Variants in RPSA2 observed in about 807,000 individuals in gnomAD.
The protein encoded by RPSA2 is small ribosomal subunit protein uS2B.
At chr19:23,795,008 C>T in the RPSA2 span, among the ~76,000 whole-genome samples, 1 of 151,966 alleles carries the variant, frequency 6.6e-6, no homozygotes, top group African/African-American at 2.4e-5. Flanking sequence ...TATTTCTGGG[C>T]TCCCTATTCT....
the RPSA2 span, among the ~76,000 whole-genome samples, chr19:23,868,738 T>G: frequency 6.6e-6 from 1 of 152,142 alleles, no homozygotes. Flanking sequence ...GACAAGGGTA[T>G]GCTTATGTTT....
chr19:23,798,288 A>G, the RPSA2 span, among the ~76,000 whole-genome samples: 5 of 152,332 alleles, frequency 3.3e-5, no homozygotes, highest in African/African-American at 7.2e-5. Context: ...TGATTGACAG[A>G]AACCTGTTTA....
chr19:23,810,349 G>T, the RPSA2 span, among the ~76,000 whole-genome samples: 3 of 139,010 alleles, frequency 2.2e-5, no homozygotes, highest in African/African-American at 8.1e-5. Context: ...AACCGAGATC[G>T]TGCCACTGCA....
At chr19:23,758,909 C>A in the RPSA2 span, 2 of 917,232 alleles carry the variant, frequency 2.2e-6, no homozygotes, top group South Asian at 3.2e-5. Flanking sequence ...CCGCCAATCC[C>A]GGAAGCCGCC....
the RPSA2 span, among the ~76,000 whole-genome samples, chr19:23,869,934 G>A: frequency 2.6e-5 from 4 of 152,186 alleles, no homozygotes; most frequent in African/African-American, 4.8e-5. Flanking sequence ...ACCAGCTCCA[G>A]GTAAGCAATA....
At chr19:23,791,253 G>C in the RPSA2 span, among the ~76,000 whole-genome samples, 1 of 152,132 alleles carries the variant, frequency 6.6e-6, no homozygotes, top group African/African-American at 2.4e-5. Context: ...CACCCATCTC[G>C]GCCCCGTAAG....
the RPSA2 span, among the ~76,000 whole-genome samples, chr19:23,850,880 CTGTT>C: frequency 1.3e-5 from 2 of 152,092 alleles, no homozygotes; most frequent in Non-Finnish European, 2.9e-5. Context: ...GTTGTTTAGA[CTGTT>C]TGGACAATTG....
At chr19:23,868,474 C>A in the RPSA2 span, among the ~76,000 whole-genome samples, 1 of 152,008 alleles carries the variant, frequency 6.6e-6, no homozygotes, top group African/African-American at 2.4e-5. Flanking sequence ...ACATTATAGA[C>A]CAGGCACATC....
At chr19:23,836,153 C>T in the RPSA2 span, among the ~76,000 whole-genome samples, 1 of 152,080 alleles carries the variant, frequency 6.6e-6, no homozygotes, top group Non-Finnish European at 1.5e-5. Flanking sequence ...TCCCTTCCCA[C>T]TCTTCTCCCC....
the RPSA2 span, among the ~76,000 whole-genome samples, chr19:23,778,890 T>C: frequency 3.8e-4 from 57 of 151,802 alleles, no homozygotes; most frequent in Admixed American, 2.0e-4. Flanking sequence ...CTGTTTTTCC[T>C]GAGTCCTACC....
At chr19:23,804,196 C>A in the RPSA2 span, among the ~76,000 whole-genome samples, 38 of 152,102 alleles carry the variant, frequency 2.5e-4, no homozygotes, top group Non-Finnish European at 5.1e-4. Context: ...TAATATGATA[C>A]TTTAAGATAA....
the RPSA2 span, among the ~76,000 whole-genome samples, chr19:23,852,248 G>A: frequency 6.6e-6 from 1 of 152,206 alleles, no homozygotes; most frequent in Non-Finnish European, 1.5e-5. Flanking sequence ...TAGCACATAT[G>A]TTGGAATGCC....
the RPSA2 span, among the ~76,000 whole-genome samples, chr19:23,771,849 T>C: frequency 6.6e-6 from 1 of 152,194 alleles, no homozygotes; most frequent in Non-Finnish European, 1.5e-5. Flanking sequence ...ACCTTGGTGA[T>C]GTAAATCTCC....
At chr19:23,769,226 G>A in the RPSA2 span, among the ~76,000 whole-genome samples, 1 of 152,102 alleles carries the variant, frequency 6.6e-6, no homozygotes, top group East Asian at 1.9e-4. Flanking sequence ...CCTACCCACT[G>A]GAGTGATTTT....
the RPSA2 span, among the ~76,000 whole-genome samples, chr19:23,849,284 TTC>T: frequency 6.6e-6 from 1 of 151,882 alleles, no homozygotes; most frequent in African/African-American, 2.4e-5. Context: ...ATGCCCGATG[TTC>T]TCCACCATAA....
the RPSA2 span, among the ~76,000 whole-genome samples, chr19:23,843,549 C>A: frequency 5.9e-5 from 9 of 152,226 alleles, no homozygotes; most frequent in Non-Finnish European, 1.0e-4. Context: ...GCATGATATA[C>A]CTGCTCTTCC....
chr19:23,761,921 T>TCTCTCTCGCTCTCTCTCTCTCTCTCTCTC, the RPSA2 span, among the ~76,000 whole-genome samples: 15 of 76,198 alleles, frequency 2.0e-4, 1 homozygote, highest in African/African-American at 4.7e-4. Flanking sequence ...TCTTTCTTTC[T>TCTCTCTCGCTCTCTCTCTCTCTCTCTCTC]TTTTTTTTTT....
the RPSA2 span, among the ~76,000 whole-genome samples, chr19:23,866,432 G>A: frequency 1.3e-5 from 2 of 152,054 alleles, no homozygotes; most frequent in Non-Finnish European, 2.9e-5. Flanking sequence ...GTGGGAGAAT[G>A]TTATAATTAT....
the RPSA2 span, among the ~76,000 whole-genome samples, chr19:23,814,403 GGCC>G: frequency 6.6e-6 from 1 of 151,822 alleles, no homozygotes; most frequent in Admixed American, 6.6e-5. Context: ...GAGATTATTT[GGCC>G]ATATTCAGAA....
Sources: gnomAD v4.1 joint callset for allele counts (sites outside exome capture counted in the v4.1 genomes callset) on GRCh38, gnomAD v4.1.1 for gene constraint, MANE v1.5 for transcripts, NCBI Gene and HGNC (gene_info 2026-07-23, HGNC 2026-07-21) for gene names.